Variants in EFNA5 observed in about 807,000 individuals in gnomAD.
EFNA5 encodes ephrin A5.
Under a neutral mutation model 22.9 loss-of-function variants are expected in EFNA5, and 5 were observed. The observed-to-expected ratio is 0.22, with a 90% CI of 0.11 to 0.46. EFNA5 has a LOEUF of 0.46. Ranked by LOEUF, EFNA5 falls within the 20% of genes least tolerant of loss-of-function variation. The probability of loss-of-function intolerance (pLI) is 0.99; values close to 1 mark genes in which losing one functional copy is unlikely to be tolerated. For missense variants in EFNA5, 237 were observed against 293.3 expected (o/e 0.81, Z 1.40); for synonymous variants, 113 against 112.2 (o/e 1.01, Z -0.04).
intron 1 of EFNA5, among the ~76,000 whole-genome samples, chr5:107,451,885 A>G (rs1369548807): frequency 6.6e-6 from 1 of 152,168 alleles, no homozygotes; most frequent in Admixed American, 6.5e-5. Context: ...TATATACCCA[A>G]AGGGATATAA....
intron 2 of EFNA5, among the ~76,000 whole-genome samples, chr5:107,422,774 C>A (rs1007819519): frequency 1.3e-5 from 2 of 152,132 alleles, no homozygotes; most frequent in African/African-American, 4.8e-5. Flanking sequence ...CAGGAAGTCA[C>A]TGGAGGGCTG....
intron 1 of EFNA5, among the ~76,000 whole-genome samples, chr5:107,480,727 C>T (rs566456001): frequency 6.6e-6 from 1 of 152,120 alleles, no homozygotes; most frequent in African/African-American, 2.4e-5. Context: ...CCAGGGAAAA[C>T]AGATACAAGA....
chr5:107,587,547 T>G (rs897002764), intron 1 of EFNA5, among the ~76,000 whole-genome samples: 1 of 152,166 alleles, frequency 6.6e-6, no homozygotes, highest in Non-Finnish European at 1.5e-5. Context: ...GATGGAGTCT[T>G]GCGCTGTTGC....
At chr5:107,616,620 G>A (rs1025929138) in intron 1 of EFNA5, among the ~76,000 whole-genome samples, 8 of 152,260 alleles carry the variant, frequency 5.3e-5, no homozygotes, top group Middle Eastern at 3.4e-3. Context: ...GTGTATGTGT[G>A]TCTGTGTGTA....
chr5:107,431,201 G>A (rs925272402), intron 1 of EFNA5, among the ~76,000 whole-genome samples: 1 of 152,148 alleles, frequency 6.6e-6, no homozygotes, highest in African/African-American at 2.4e-5. Flanking sequence ...ATTTCAAAGG[G>A]TGGACAATAT....
chr5:107,432,966 C>A (rs932734154), intron 1 of EFNA5, among the ~76,000 whole-genome samples: 9 of 152,176 alleles, frequency 5.9e-5, no homozygotes, highest in African/African-American at 2.2e-4. Context: ...TATATTTTCT[C>A]TTCCTTATGA....
At chr5:107,415,322 A>G (rs1748474765) in intron 2 of EFNA5, among the ~76,000 whole-genome samples, 1 of 152,216 alleles carries the variant, frequency 6.6e-6, no homozygotes, top group African/African-American at 2.4e-5. Context: ...CTTTAAGAAT[A>G]TACTACTACT....
intron 1 of EFNA5, among the ~76,000 whole-genome samples, chr5:107,487,645 T>A (rs143386524): frequency 6.6e-6 from 1 of 152,148 alleles, no homozygotes; most frequent in Non-Finnish European, 1.5e-5. Context: ...CAAAAGGTAA[T>A]AGGGAATCAT....
At position 107,593,171 on chromosome 5, in the gene EFNA5, T is replaced by C. The variant is rs560558501; in HGVS notation, c.125+77318A>G. 2.6e-5 allele frequency among the ~76,000 whole-genome samples: 4 copies of C among 152,242 alleles called. No individual in the cohort carries two copies. In the East Asian group the frequency reaches 5.8e-4, roughly 22 times the overall value. ...CTCTGAGAGCAGCTGAGTGAGCCCA[T>C]GACTGGAAGAAGATACTAATCAGAT... On this transcript the variant is annotated intron_variant, in intron 1 of 4. Coordinates refer to ENST00000333274, the MANE Select transcript of EFNA5 (RefSeq NM_001962.3).
intron 1 of EFNA5, among the ~76,000 whole-genome samples, chr5:107,476,902 TTA>T (rs1010318500): frequency 6.6e-6 from 1 of 152,142 alleles, no homozygotes. Context: ...TCATTACACC[TTA>T]TATAGCTTAA....
intron 1 of EFNA5, among the ~76,000 whole-genome samples, chr5:107,469,449 C>T (rs1750079679): frequency 6.6e-6 from 1 of 151,910 alleles, no homozygotes; most frequent in Non-Finnish European, 1.5e-5. Flanking sequence ...TTTCCTGCTG[C>T]GGAGCTAAGC....
chr5:107,591,738 T>C (rs1036619543), intron 1 of EFNA5, among the ~76,000 whole-genome samples: 4 of 143,108 alleles, frequency 2.8e-5, no homozygotes, highest in African/African-American at 5.3e-5. Flanking sequence ...GGAGAATTGC[T>C]TGACCCTGGG....
chr5:107,455,739 GTC>G (rs1266758249), intron 1 of EFNA5, among the ~76,000 whole-genome samples: 9 of 152,130 alleles, frequency 5.9e-5, no homozygotes, highest in Admixed American at 5.9e-4. Flanking sequence ...CACCCAGAAT[GTC>G]TCTTTCTTTG....
Position 107,380,032 on chromosome 5 carries a change from T to G in EFNA5, c.*1223A>C, listed in dbSNP as rs74945146. ...AAGAATATAAAATCAACACTTGAAT[T>G]TTTTTACTCCAAACTTTGGAATTTT... On this transcript the variant is annotated 3_prime_UTR_variant, in exon 5 of 5. Coordinates refer to ENST00000333274, the MANE Select transcript of EFNA5 (RefSeq NM_001962.3). 1 of 150,596 alleles carries G rather than the reference T, an allele frequency of 6.6e-6. No homozygotes were observed. 9.3% of individuals were successfully genotyped at this position (150,596 alleles called of 1,614,324 possible).
chr5:107,542,922 G>A (rs1748076929), intron 1 of EFNA5, among the ~76,000 whole-genome samples: 1 of 152,092 alleles, frequency 6.6e-6, no homozygotes, highest in African/African-American at 2.4e-5. Context: ...GAATCACTCG[G>A]TTCAAATGCT....
chr5:107,515,761 T>C (rs1747461430), intron 1 of EFNA5, among the ~76,000 whole-genome samples: 1 of 152,232 alleles, frequency 6.6e-6, no homozygotes, highest in Non-Finnish European at 1.5e-5. Flanking sequence ...TACAGAACTC[T>C]GGGTACTTCC....
rs201837472 is a variant in EFNA5 at position 107,491,937 on chromosome 5, C to T, written c.126-64428G>A. Among the ~76,000 whole-genome samples the T allele has an allele frequency of 2.4e-4, 36 of 152,114 alleles. No homozygotes were observed. In the East Asian group the frequency reaches 6.6e-3, roughly 28 times the overall value. On this transcript the variant is annotated intron_variant, in intron 1 of 4. Transcript: ENST00000333274. ...GCAACCTCCGCCTCCAGGGATCAAG[C>T]GATTCTCATGCTTCAGCCTCCCGAG...
intron 1 of EFNA5, among the ~76,000 whole-genome samples, chr5:107,443,077 C>T (rs937315206): frequency 0.061 from 8 of 132 alleles, no homozygotes; most frequent in African/African-American, 0.18. Context: ...TGTAGATGAG[C>T]TCTTGGAAAA....
intron 2 of EFNA5, among the ~76,000 whole-genome samples, chr5:107,398,006 A>C (rs1747975144): frequency 6.6e-6 from 1 of 152,024 alleles, no homozygotes; most frequent in Non-Finnish European, 1.5e-5. Context: ...CTTTTCCATA[A>C]TCTGGTCCCA....
Sources: allele counts gnomAD v4.1 joint callset (sites outside exome capture counted in the v4.1 genomes callset), GRCh38; gene constraint gnomAD v4.1.1; transcripts MANE v1.5; gene names NCBI Gene and HGNC (gene_info 2026-07-23, HGNC 2026-07-21).